Variants in INTS4 observed in about 807,000 individuals in gnomAD.
The protein encoded by INTS4 is integrator complex subunit 4.
In INTS4, 70 loss-of-function variants were observed where a neutral mutation model predicts 119.5. The ratio of observed to expected loss-of-function variants is 0.59; its 90% CI spans 0.48 to 0.71. INTS4 has a LOEUF of 0.71. Ranked by LOEUF, INTS4 falls within the 30% of genes least tolerant of loss-of-function variation. The pLI is 0.00. For missense variants in INTS4, 867 were observed against 1,173.2 expected (o/e 0.74, Z 3.81); for synonymous variants, 316 against 419.6 (o/e 0.75, Z 3.02).
intron 22 of INTS4, among the ~76,000 whole-genome samples, chr11:77,882,738 A>G (rs1373238660): frequency 1.3e-5 from 2 of 152,138 alleles, no homozygotes; most frequent in African/African-American, 2.4e-5. Context: ...ACAGCTTCAT[A>G]AAGTCATCAT....
At chr11:77,960,543 G>A (rs953831525) in intron 5 of INTS4, 152 bp from the exon 6 acceptor site, 12 of 543,832 alleles carry the variant, frequency 2.2e-5, no homozygotes, top group Non-Finnish European at 3.6e-5. Flanking sequence ...AAACCTTGTC[G>A]TCTTTCAATA....
intron 15 of INTS4, among the ~76,000 whole-genome samples, chr11:77,917,694 CAA>C (rs1003101478): frequency 6.6e-6 from 1 of 150,766 alleles, no homozygotes; most frequent in African/African-American, 2.4e-5. Flanking sequence ...GTTTGCTCCT[CAA>C]AGATATAATT....
chr11:77,913,246 T>C (rs1953128070), intron 15 of INTS4, among the ~76,000 whole-genome samples: 1 of 152,122 alleles, frequency 6.6e-6, no homozygotes, highest in Non-Finnish European at 1.5e-5. Context: ...TTTATAAAAT[T>C]TGATTTAGTT....
At chr11:77,966,845 C>A (rs139794295) in intron 4 of INTS4, among the ~76,000 whole-genome samples, 86 of 152,214 alleles carry the variant, frequency 5.6e-4, no homozygotes, top group African/African-American at 1.9e-3. Context: ...AGGGATTACA[C>A]TGAATCTGCA....
chr11:77,955,609 C>T (rs556008613), intron 8 of INTS4, among the ~76,000 whole-genome samples: 3 of 151,964 alleles, frequency 2.0e-5, no homozygotes, highest in Non-Finnish European at 2.9e-5. Flanking sequence ...GATTCTCCTG[C>T]CTCAGCCTCC....
chr11:77,989,423 TAC>T (rs1591153733), intron 2 of INTS4, among the ~76,000 whole-genome samples: 2 of 151,972 alleles, frequency 1.3e-5, no homozygotes, highest in East Asian at 3.9e-4. Context: ...GGAGTGCTAT[TAC>T]ACTCCAGCCT....
chr11:77,993,939 T>C (rs1239438287), intron 1 of INTS4, among the ~76,000 whole-genome samples: 2 of 151,954 alleles, frequency 1.3e-5, no homozygotes, highest in East Asian at 1.9e-4. Flanking sequence ...TAGCAACATC[T>C]ACGTGGAGAC....
At chr11:77,879,508 G>A (rs1427711460) in intron 22 of INTS4, among the ~76,000 whole-genome samples, 3 of 152,142 alleles carry the variant, frequency 2.0e-5, no homozygotes, top group East Asian at 3.9e-4. Context: ...CTCTTCCTGC[G>A]CAGTTCCATC....
At chr11:77,900,180 ACCT>A (rs912783383) in intron 18 of INTS4, among the ~76,000 whole-genome samples, 28 of 151,712 alleles carry the variant, frequency 1.8e-4, no homozygotes, top group African/African-American at 6.3e-4. Flanking sequence ...GCCCACTGCA[ACCT>A]CCACCTCCCA....
chr11:77,951,501 C>T (rs988840387), intron 8 of INTS4, among the ~76,000 whole-genome samples: 10 of 152,138 alleles, frequency 6.6e-5, no homozygotes, highest in African/African-American at 2.4e-4. Flanking sequence ...ACACCTTATA[C>T]AAAAATTAAT....
chr11:77,994,493 G>T, intron 1 of INTS4, 97 bp downstream of exon 1: 1 of 928,124 alleles, frequency 1.1e-6, no homozygotes, highest in Non-Finnish European at 1.8e-6. Context: ...CACTTAACAC[G>T]GGCGTATGGA....
At chr11:77,987,627 A>AG (rs1352968032) in intron 2 of INTS4, 28 of 450,818 alleles carry the variant, frequency 6.2e-5, no homozygotes, top group Non-Finnish European at 1.2e-4. Flanking sequence ...ATCCTTTGGG[A>AG]GGGCCAAGCA....
intron 13 of INTS4, among the ~76,000 whole-genome samples, chr11:77,922,015 G>T (rs889002387): frequency 6.0e-5 from 9 of 151,192 alleles, no homozygotes; most frequent in Admixed American, 5.9e-4. Flanking sequence ...CAAGCAACAG[G>T]TTAGGAATTT....
In INTS4 at chr11:77,891,751, G is replaced by A; in HGVS notation, c.2378C>T (p.Ala793Val). 6.2e-7 allele frequency: 1 copy of A among 1,612,016 alleles called. No individual in the cohort carries two copies. Residue 793 changes from alanine (A) to valine (V), a missense_variant, in exon 20 of 23, where the codon GCA becomes GTA. Physicochemically the swap from Ala to Val is moderately conservative, Grantham distance 64. This residue lies in a region of INTS4 where 262 missense variants were observed against 376.0 expected (regional missense o/e 0.70). Transcript: ENST00000534064. The stretch of plus-strand genomic sequence containing the variant: ...GGTCTGTAGAATTTTGACCACTTCT[G>A]CAGGTTTGGATGTCATGAGTCGGGG... ...LMPRLMTSKP[A>V]EVVKILQTML... is the part of the protein sequence containing the mutation.
At chr11:77,914,741 T>C (rs1397838864) in intron 15 of INTS4, among the ~76,000 whole-genome samples, 2 of 152,148 alleles carry the variant, frequency 1.3e-5, no homozygotes, top group Non-Finnish European at 1.5e-5. Flanking sequence ...AGATCTTACA[T>C]ACAAAAGCAG....
intron 10 of INTS4, among the ~76,000 whole-genome samples, chr11:77,931,416 A>C (rs569525614): frequency 6.6e-5 from 10 of 152,346 alleles, no homozygotes; most frequent in African/African-American, 2.2e-4. Flanking sequence ...AAGCTGTCAT[A>C]CCTGATACCT....
chr11:77,928,881 T>C (rs1399950009), intron 10 of INTS4, among the ~76,000 whole-genome samples: 3 of 151,588 alleles, frequency 2.0e-5, no homozygotes, highest in Non-Finnish European at 4.4e-5. Context: ...ATTAGCCAAG[T>C]GTGGTGGCAC....
chr11:77,936,667 T>A (rs1172527877), intron 10 of INTS4, among the ~76,000 whole-genome samples: 1 of 152,098 alleles, frequency 6.6e-6, no homozygotes, highest in Non-Finnish European at 1.5e-5. Flanking sequence ...ATATACTAGG[T>A]GGGATTAACA....
chr11:77,891,880 G>T (rs745391845), intron 19 of INTS4, 40 bp from the exon 20 acceptor site: 1 of 1,610,128 alleles, frequency 6.2e-7, no homozygotes, highest in East Asian at 2.2e-5. Context: ...ATTCAACTGT[G>T]CACTCATTCA....
Sources: allele counts gnomAD v4.1 joint callset (sites outside exome capture counted in the v4.1 genomes callset), GRCh38; gene constraint gnomAD v4.1.1; regional missense constraint gnomAD v4.1.1; transcripts MANE v1.5; gene names NCBI Gene and HGNC (gene_info 2026-07-23, HGNC 2026-07-21).